Variants in APP observed in about 807,000 individuals in gnomAD.
APP encodes the protein amyloid-beta precursor protein.
In APP, 31 loss-of-function variants were observed where a neutral mutation model predicts 101.4. The ratio of observed to expected loss-of-function variants is 0.31; its 90% CI spans 0.23 to 0.41. The LOEUF (loss-of-function observed/expected upper bound fraction) is 0.41. Among genes scored for constraint, APP ranks in the 10% least tolerant of loss-of-function variants. APP has a pLI of 1.00. For missense variants in APP, 839 were observed against 1,003.7 expected (o/e 0.84, Z 2.22); for synonymous variants, 366 against 364.4 (o/e 1.00, Z -0.05).
intron 13 of APP, among the ~76,000 whole-genome samples, chr21:25,925,488 G>T (rs2039849403): frequency 6.6e-6 from 1 of 152,152 alleles, no homozygotes; most frequent in African/African-American, 2.4e-5. Flanking sequence ...CCCAGATCCA[G>T]GGAATCAGAA....
At chr21:25,909,690 A>G (rs2038972659) in intron 14 of APP, among the ~76,000 whole-genome samples, 1 of 152,252 alleles carries the variant, frequency 6.6e-6, no homozygotes, top group African/African-American at 2.4e-5. Context: ...TCAATTTACA[A>G]AATGAGATCG....
At chr21:25,995,456 C>T (rs895521990) in intron 8 of APP, among the ~76,000 whole-genome samples, 4 of 202 alleles carry the variant, frequency 0.02, no homozygotes, top group African/African-American at 0.056. Flanking sequence ...GCGGCCAAAA[C>T]GTCATTTTGG....
intron 17 of APP, among the ~76,000 whole-genome samples, chr21:25,891,094 C>CTTGT (rs1296657867): frequency 2.0e-5 from 3 of 152,114 alleles, no homozygotes; most frequent in African/African-American, 7.2e-5. Context: ...TTCTCTCTTT[C>CTTGT]TTGTTTTAGT....
At chr21:26,142,220 G>A (rs930713208) in intron 1 of APP, among the ~76,000 whole-genome samples, 13 of 152,248 alleles carry the variant, frequency 8.5e-5, no homozygotes, top group Admixed American at 4.6e-4. Flanking sequence ...AGCACAATGC[G>A]TCCTGGATGG....
chr21:25,991,673 C>G lies in APP; in HGVS notation c.1090+5687G>C, dbSNP rs114181980. On this transcript the variant is annotated intron_variant, in intron 8 of 17. Coordinates refer to ENST00000346798, the MANE Select transcript of APP (RefSeq NM_000484.4). ...GATTACAGGCGTGAGCCACTGCACCCAGCTGCTGGCTACTTTTATAAAAGT... is the reference window on the plus strand; with the variant it reads ...GATTACAGGCGTGAGCCACTGCACCGAGCTGCTGGCTACTTTTATAAAAGT... 7.1e-3 allele frequency among the ~76,000 whole-genome samples: 1,088 copies of G among 152,210 alleles called. 16 individuals carry two copies. The highest frequency in any genetic ancestry group is 0.024 in the African/African-American group (1,016 of 41,536).
intron 9 of APP, among the ~76,000 whole-genome samples, chr21:25,981,103 T>C (rs964767175): frequency 1.3e-5 from 2 of 152,112 alleles, no homozygotes; most frequent in Non-Finnish European, 2.9e-5. Flanking sequence ...GAGCTTTTGA[T>C]TGACTGGTTT....
chr21:26,062,953 G>A (rs2046329875), intron 3 of APP, among the ~76,000 whole-genome samples: 1 of 151,926 alleles, frequency 6.6e-6, no homozygotes, highest in Non-Finnish European at 1.5e-5. Context: ...TAGTAGACAT[G>A]GGGTTATGCC....
At chr21:26,006,950 G>A (rs2043557463) in intron 6 of APP, among the ~76,000 whole-genome samples, 1 of 152,118 alleles carries the variant, frequency 6.6e-6, no homozygotes, top group Non-Finnish European at 1.5e-5. Context: ...TGGAATGTAT[G>A]TGAAATAAAA....
intron 5 of APP, among the ~76,000 whole-genome samples, chr21:26,030,745 G>T (rs1181376847): frequency 6.6e-6 from 1 of 152,186 alleles, no homozygotes; most frequent in Non-Finnish European, 1.5e-5. Context: ...AAAAAGTTTG[G>T]TTAATCAGAT....
intron 5 of APP, among the ~76,000 whole-genome samples, chr21:26,028,396 C>T (rs903345310): frequency 4.6e-5 from 7 of 152,062 alleles, no homozygotes; most frequent in Non-Finnish European, 8.8e-5. Flanking sequence ...GTGATTGTTG[C>T]GAGCCAGAGG....
intron 11 of APP, among the ~76,000 whole-genome samples, chr21:25,959,682 T>C (rs1041793623): frequency 6.6e-6 from 1 of 152,210 alleles, no homozygotes; most frequent in African/African-American, 2.4e-5. Context: ...ATTATTTAGC[T>C]AATTATTAAG....
At chr21:26,167,945 CTG>C (rs1462061551) in intron 1 of APP, among the ~76,000 whole-genome samples, 10 of 152,278 alleles carry the variant, frequency 6.6e-5, no homozygotes, top group Non-Finnish European at 1.3e-4. Context: ...CTTTACTATT[CTG>C]TGTGTCGGCT....
At chr21:26,038,865 A>G (rs2045246469) in intron 5 of APP, among the ~76,000 whole-genome samples, 1 of 152,174 alleles carries the variant, frequency 6.6e-6, no homozygotes, top group Non-Finnish European at 1.5e-5. Context: ...CTTGATATGC[A>G]TTTACACCAA....
intron 15 of APP, among the ~76,000 whole-genome samples, chr21:25,900,250 G>C (rs1056829086): frequency 6.6e-6 from 1 of 151,920 alleles, no homozygotes; most frequent in East Asian, 1.9e-4. Context: ...ATCTGGCAAC[G>C]TGCCAAGCAC....
intron 8 of APP, among the ~76,000 whole-genome samples, chr21:25,985,825 T>C (rs539470925): frequency 6.6e-6 from 1 of 152,110 alleles, no homozygotes; most frequent in African/African-American, 2.4e-5. Flanking sequence ...TTTCAGCCAT[T>C]CATACAAACT....
rs979567523 is a variant in APP at position 26,077,600 on chromosome 21, C to T, written c.355+12343G>A. Among the ~76,000 whole-genome samples the T allele has an allele frequency of 2.6e-5, 4 of 152,026 alleles. No homozygotes were observed. The South Asian group carries it at 6.2e-4, about 24-fold the overall frequency. Reference sequence around the variant, plus strand: ...ATGCTAAGTACAGGAAAATCTTTAACGCAGGTAATGCATCAATGCCATTTT... The same window carrying T: ...ATGCTAAGTACAGGAAAATCTTTAATGCAGGTAATGCATCAATGCCATTTT... On this transcript the variant is annotated intron_variant, in intron 3 of 17. Transcript: ENST00000346798.
At chr21:25,944,824 C>G (rs1021617706) in intron 13 of APP, among the ~76,000 whole-genome samples, 1 of 152,164 alleles carries the variant, frequency 6.6e-6, no homozygotes, top group Non-Finnish European at 1.5e-5. Flanking sequence ...ACAAAAAAAG[C>G]AGGACACATC....
chr21:26,101,385 T>C (rs1043314657), intron 2 of APP, among the ~76,000 whole-genome samples: 11 of 152,068 alleles, frequency 7.2e-5, no homozygotes, highest in African/African-American at 2.4e-4. Flanking sequence ...GTGTGAGCCA[T>C]GGCACCCGGC....
intron 1 of APP, among the ~76,000 whole-genome samples, chr21:26,154,955 A>G (rs1050735735): frequency 1.3e-5 from 2 of 152,240 alleles, no homozygotes; most frequent in African/African-American, 4.8e-5. Context: ...CTGAATTAAA[A>G]TATGTGAAAT....
Sources: gnomAD v4.1 joint callset for allele counts (sites outside exome capture counted in the v4.1 genomes callset) on GRCh38, gnomAD v4.1.1 for gene constraint, MANE v1.5 for transcripts, NCBI Gene and HGNC (gene_info 2026-07-23, HGNC 2026-07-21) for gene names.